Variants in PTPRR observed in about 807,000 individuals in gnomAD.
The protein encoded by PTPRR is protein tyrosine phosphatase receptor type R.
A neutral mutation model predicts 77.2 loss-of-function variants in PTPRR; 38 were observed. The observed-to-expected ratio is 0.49, with a 90% confidence interval of 0.38 to 0.65. The LOEUF is 0.65. Among genes scored for constraint, PTPRR ranks in the 30% least tolerant of loss-of-function variants. The pLI is 0.00. For missense variants in PTPRR, 744 were observed against 799.2 expected (o/e 0.93, Z 0.83); for synonymous variants, 299 against 283.1 (o/e 1.06, Z -0.57).
At chr12:70,783,868 G>T (rs60408695) in intron 2 of PTPRR, among the ~76,000 whole-genome samples, 6 of 123,974 alleles carry the variant, frequency 4.8e-5, no homozygotes, top group South Asian at 2.6e-4. Flanking sequence ...GGGGACGGGG[G>T]GGGGGGGCGG....
At chr12:70,824,803 C>T (rs1056664900) in intron 2 of PTPRR, among the ~76,000 whole-genome samples, 7 of 152,106 alleles carry the variant, frequency 4.6e-5, no homozygotes, top group African/African-American at 7.2e-5. Context: ...ACCATTCCTT[C>T]GGGACTAAAC....
intron 2 of PTPRR, among the ~76,000 whole-genome samples, chr12:70,800,397 G>A (rs1209345179): frequency 6.6e-6 from 1 of 151,844 alleles, no homozygotes; most frequent in Non-Finnish European, 1.5e-5. Context: ...GGGCAAAAAA[G>A]GATGGGGCTA....
intron 2 of PTPRR, among the ~76,000 whole-genome samples, chr12:70,780,892 C>T (rs1891189601): frequency 6.6e-6 from 1 of 152,180 alleles, no homozygotes; most frequent in Non-Finnish European, 1.5e-5. Flanking sequence ...CTTTAGGATT[C>T]TGCCTACCTG....
intron 2 of PTPRR, among the ~76,000 whole-genome samples, chr12:70,779,897 G>C (rs1244102430): frequency 6.6e-6 from 1 of 151,950 alleles, no homozygotes; most frequent in East Asian, 1.9e-4. Flanking sequence ...AGCATAATTT[G>C]TATTCTATTT....
Position 70,650,320 on chromosome 12 carries a change from G to A in PTPRR, c.1880+6384C>T, listed in dbSNP as rs142059383. Among the ~76,000 whole-genome samples, 323 of 152,082 alleles carry A rather than the reference G, an allele frequency of 2.1e-3. 6 individuals carry two copies. The East Asian group carries it at 0.052, about 25-fold the overall frequency. On this transcript the variant is annotated intron_variant, in intron 13 of 13. Coordinates refer to ENST00000283228, the MANE Select transcript of PTPRR (RefSeq NM_002849.4). ...TAGCCGGGAGTAATCCCAGCAACTC[G>A]GGAGGCTGAGGCAGGATAATCGCTT...
At chr12:70,670,147 T>C (rs547377693) in intron 10 of PTPRR, among the ~76,000 whole-genome samples, 1 of 152,188 alleles carries the variant, frequency 6.6e-6, no homozygotes, top group African/African-American at 2.4e-5. Flanking sequence ...TTAACTCAGA[T>C]GAAAGATGCA....
intron 6 of PTPRR, among the ~76,000 whole-genome samples, chr12:70,737,227 T>G (rs1024853904): frequency 6.6e-6 from 1 of 152,136 alleles, no homozygotes; most frequent in African/African-American, 2.4e-5. Context: ...CAGAGATCCC[T>G]GTGCAATCAG....
At chr12:70,767,184 T>C (rs1275058157) in intron 2 of PTPRR, among the ~76,000 whole-genome samples, 2 of 151,730 alleles carry the variant, frequency 1.3e-5, no homozygotes, top group East Asian at 1.9e-4. Context: ...TAAATGTAAA[T>C]GGACTAAATG....
chr12:70,686,403 T>C (rs1887871829), intron 8 of PTPRR, among the ~76,000 whole-genome samples: 1 of 152,234 alleles, frequency 6.6e-6, no homozygotes, highest in African/African-American at 2.4e-5. Context: ...ATAAAGGCCA[T>C]AATTAGTTTC....
intron 1 of PTPRR, among the ~76,000 whole-genome samples, chr12:70,893,290 C>G (rs998133537): frequency 6.6e-6 from 1 of 151,952 alleles, no homozygotes; most frequent in African/African-American, 2.4e-5. Context: ...TCAATACCTA[C>G]TTGGGCTTCT....
At chr12:70,876,541 GAGTA>G (rs1164637068) in intron 2 of PTPRR, among the ~76,000 whole-genome samples, 4 of 152,132 alleles carry the variant, frequency 2.6e-5, no homozygotes, top group African/African-American at 9.7e-5. Flanking sequence ...GCCACTTGCA[GAGTA>G]AGTATGACCC....
intron 6 of PTPRR, among the ~76,000 whole-genome samples, chr12:70,732,561 T>G (rs574268129): frequency 5.3e-4 from 80 of 152,246 alleles, no homozygotes; most frequent in African/African-American, 1.6e-3. Flanking sequence ...TCCATTTTTT[T>G]TTTGTTTGTT....
At chr12:70,919,184 C>T (rs543595575) in intron 1 of PTPRR, among the ~76,000 whole-genome samples, 1 of 152,266 alleles carries the variant, frequency 6.6e-6, no homozygotes, top group African/African-American at 2.4e-5. Context: ...AAAGATACTG[C>T]AAGGATTGTA....
At chr12:70,762,140 C>T (rs937071124) in intron 3 of PTPRR, among the ~76,000 whole-genome samples, 2 of 152,106 alleles carry the variant, frequency 1.3e-5, no homozygotes, top group Non-Finnish European at 2.9e-5. Flanking sequence ...CTGTTCTTCA[C>T]GTCAAATATG....
intron 10 of PTPRR, among the ~76,000 whole-genome samples, chr12:70,678,189 C>T (rs1226297570): frequency 6.6e-6 from 1 of 152,064 alleles, no homozygotes; most frequent in Non-Finnish European, 1.5e-5. Context: ...TATAGGCACG[C>T]ACCACCAAGC....
intron 2 of PTPRR, among the ~76,000 whole-genome samples, chr12:70,857,378 A>T (rs1046930306): frequency 2.0e-5 from 3 of 152,182 alleles, no homozygotes; most frequent in African/African-American, 7.2e-5. Context: ...CATGGGGACC[A>T]TTATGATACT....
chr12:70,760,611 T>C (rs369280009), intron 4 of PTPRR, among the ~76,000 whole-genome samples: 147 of 152,216 alleles, frequency 9.7e-4, no homozygotes, highest in African/African-American at 3.5e-3. Context: ...CTGGGCAACA[T>C]AGTAAAACCC....
intron 2 of PTPRR, among the ~76,000 whole-genome samples, chr12:70,796,706 TA>T (rs11344346): frequency 0.66 from 100,363 of 151,650 alleles, 36,331 homozygotes; most frequent in South Asian, 0.84. Flanking sequence ...ATATGTATAT[TA>T]AAAAAAAATC....
intron 3 of PTPRR, among the ~76,000 whole-genome samples, chr12:70,762,355 A>G (rs945782549): frequency 6.6e-6 from 1 of 152,128 alleles, no homozygotes; most frequent in South Asian, 2.1e-4. Context: ...ATTATCTTTC[A>G]CAACTTACAC....
Sources: gnomAD v4.1 joint callset for allele counts (sites outside exome capture counted in the v4.1 genomes callset) on GRCh38, gnomAD v4.1.1 for gene constraint, MANE v1.5 for transcripts, NCBI Gene and HGNC (gene_info 2026-07-23, HGNC 2026-07-21) for gene names.